Variants in PAXIP1 observed in about 807,000 individuals in gnomAD.
PAXIP1 encodes the protein PAX-interacting protein 1.
Under a neutral mutation model 140.6 loss-of-function variants are expected in PAXIP1, and 19 were observed. The ratio of observed to expected loss-of-function variants is 0.14; its 90% CI spans 0.09 to 0.20. The LOEUF (loss-of-function observed/expected upper bound fraction) is 0.20. Ranked by LOEUF, PAXIP1 falls within the 10% of genes least tolerant of loss-of-function variation. The probability of loss-of-function intolerance (pLI) is 1.00; values close to 1 mark genes in which losing one functional copy is unlikely to be tolerated. For missense variants in PAXIP1, 920 were observed against 1,208.6 expected (o/e 0.76, Z 3.54); for synonymous variants, 442 against 444.6 (o/e 0.99, Z 0.07).
At chr7:154,969,230 C>T in intron 6 of PAXIP1, 104 bp from the exon 7 acceptor site, 1 of 1,216,118 alleles carries the variant, frequency 8.2e-7, no homozygotes, top group East Asian at 2.6e-5. Context: ...TAACAATATT[C>T]AACTAAGTAG....
At chr7:154,961,165 T>TA in intron 11 of PAXIP1, 88 bp from the exon 12 acceptor site, 2 of 1,127,806 alleles carry the variant, frequency 1.8e-6, no homozygotes, top group South Asian at 1.7e-5. Context: ...CAAAAGGCAA[T>TA]AAAAAATTTC....
rs1205834937 is a variant in PAXIP1, at chr7:154,975,932, T to C, written c.838A>G (p.Arg280Gly). The C allele has an allele frequency of 6.2e-7, 1 of 1,613,970 alleles. No individual in the cohort carries two copies. The highest frequency in any genetic ancestry group is 8.5e-7 in the Non-Finnish European group (1 of 1,179,872). ...CCAGGCTCCTTTCCCTGAGGCAGCC[T>C]GCGTTTTGCTGCAGCTAACTGTGGG... is the stretch of plus-strand genomic sequence containing the variant. Reference protein sequence around the residue: ...EVPQLAAAKRRLPQGKEPGLI... With the variant: ...EVPQLAAAKRGLPQGKEPGLI... Residue 280 changes from arginine to glycine, a missense_variant, in exon 6 of 21, where the codon AGG (arginine) becomes GGG (glycine). Physicochemically the swap from Arg to Gly is moderately radical, Grantham distance 125. This residue lies in a region of PAXIP1 where 419 missense variants were observed against 514.7 expected (regional missense o/e 0.81). Transcript: ENST00000404141.
intron 2 of PAXIP1, among the ~76,000 whole-genome samples, chr7:154,995,897 T>C (rs1810578939): frequency 6.6e-6 from 1 of 152,198 alleles, no homozygotes; most frequent in Admixed American, 6.5e-5. Context: ...TTTCCAATGA[T>C]GCCCAAAGGC....
At chr7:154,996,835 T>C (rs1461376505) in intron 2 of PAXIP1, among the ~76,000 whole-genome samples, 1 of 152,194 alleles carries the variant, frequency 6.6e-6, no homozygotes, top group Non-Finnish European at 1.5e-5. Flanking sequence ...AAAGTACTTA[T>C]TACAAAAAGG....
At chr7:154,999,074 C>G (rs1474224160) in intron 1 of PAXIP1, among the ~76,000 whole-genome samples, 1 of 152,202 alleles carries the variant, frequency 6.6e-6, no homozygotes, top group Non-Finnish European at 1.5e-5. Flanking sequence ...CTGGACAAAC[C>G]AGGAGACAGC....
Position 154,986,826 on chromosome 7 carries a change from A to G in PAXIP1, c.325-3494T>C, listed in dbSNP as rs1423955806. ...GCGGGAAGTACAGTAAGTGACCCAC[A>G]AAGATCATGCTATTTCTGGATTCTG... On this transcript the variant is annotated intron_variant, in intron 4 of 20. Coordinates refer to ENST00000404141, the MANE Select transcript of PAXIP1 (RefSeq NM_007349.4). The surrounding 1 kb of genome is among the most constrained non-coding windows in gnomAD (Gnocchi z 4.8). Among the ~76,000 whole-genome samples, 2 of 152,210 alleles carry G rather than the reference A, an allele frequency of 1.3e-5. No individual in the cohort carries two copies. The highest frequency in any genetic ancestry group is 2.4e-5 in the African/African-American group (1 of 41,462).
intron 2 of PAXIP1, among the ~76,000 whole-genome samples, chr7:154,997,920 C>T (rs1212568505): frequency 6.6e-6 from 1 of 152,220 alleles, no homozygotes; most frequent in African/African-American, 2.4e-5. Flanking sequence ...CTAGAGTTAC[C>T]TCCCGACAGG....
chr7:154,951,028 A>T (rs1378924817), intron 16 of PAXIP1: 3 of 152,336 alleles, frequency 2.0e-5, no homozygotes, highest in Non-Finnish European at 2.9e-5. Flanking sequence ...GAACAACTCC[A>T]TATGACGCTG....
At chr7:154,996,223 T>C (rs1810602781) in intron 2 of PAXIP1, among the ~76,000 whole-genome samples, 4 of 152,130 alleles carry the variant, frequency 2.6e-5, no homozygotes, top group Admixed American at 6.5e-5. Flanking sequence ...TATCTTAGAG[T>C]GAAGGCAAAC....
intron 1 of PAXIP1, among the ~76,000 whole-genome samples, chr7:154,999,321 T>C (rs1405782560): frequency 6.6e-6 from 1 of 152,180 alleles, no homozygotes; most frequent in Non-Finnish European, 1.5e-5. Context: ...TCTTACACAC[T>C]ATGCAAAAAA....
intron 5 of PAXIP1, among the ~76,000 whole-genome samples, chr7:154,977,481 C>T (rs1020016123): frequency 6.6e-5 from 10 of 152,204 alleles, no homozygotes; most frequent in African/African-American, 2.2e-4. Flanking sequence ...GTTGGTCATT[C>T]GGTCCTGGCA....
chr7:154,958,576 A>G (rs1808630517), intron 13 of PAXIP1, among the ~76,000 whole-genome samples: 1 of 152,242 alleles, frequency 6.6e-6, no homozygotes, highest in South Asian at 2.1e-4. Context: ...TATAGCCTTT[A>G]TAAGAAAGCA....
At chr7:154,985,012 C>G (rs116487386) in intron 4 of PAXIP1, among the ~76,000 whole-genome samples, 5 of 152,210 alleles carry the variant, frequency 3.3e-5, no homozygotes, top group Admixed American at 1.3e-4. Context: ...TCCAATAACT[C>G]GCTTATGTCA....
chr7:154,982,843 GTT>G (rs1809905585), intron 5 of PAXIP1, among the ~76,000 whole-genome samples: 1 of 151,958 alleles, frequency 6.6e-6, no homozygotes. Flanking sequence ...CACCACACAC[GTT>G]TATAATTATA....
intron 6 of PAXIP1, among the ~76,000 whole-genome samples, chr7:154,972,316 G>A (rs981016602): frequency 4.6e-5 from 7 of 152,082 alleles, no homozygotes; most frequent in African/African-American, 7.2e-5. Context: ...GCAAAAACCC[G>A]TCTCTAATAA....
intron 2 of PAXIP1, among the ~76,000 whole-genome samples, chr7:154,994,518 C>T (rs950512136): frequency 6.6e-6 from 1 of 152,138 alleles, no homozygotes; most frequent in Non-Finnish European, 1.5e-5. Flanking sequence ...TATTGAGAAT[C>T]TATTTTATGC....
chr7:154,961,442 C>A (rs968151892), intron 11 of PAXIP1, 85 bp downstream of exon 11: 55 of 1,108,952 alleles, frequency 5.0e-5, no homozygotes, highest in Non-Finnish European at 6.0e-5. Flanking sequence ...AAAACTATGA[C>A]ATACTAAAAA....
chr7:155,003,244 G>A (rs866593567), upstream of PAXIP1, among the ~76,000 whole-genome samples: 5 of 91,468 alleles, frequency 5.5e-5, no homozygotes, highest in South Asian at 1.0e-3. Context: ...CACGGCTCCG[G>A]GGTAGCTGGC....
intron 16 of PAXIP1, chr7:154,949,608 G>A (rs1310313359): frequency 6.6e-6 from 1 of 152,094 alleles, no homozygotes; most frequent in Non-Finnish European, 1.5e-5. Context: ...GTTTATGATA[G>A]AGAAAACACC....
Sources: allele counts gnomAD v4.1 joint callset (sites outside exome capture counted in the v4.1 genomes callset), GRCh38; gene constraint gnomAD v4.1.1; regional missense constraint gnomAD v4.1.1; non-coding constraint Gnocchi (gnomAD v3.1); transcripts MANE v1.5; gene names NCBI Gene and HGNC (gene_info 2026-07-23, HGNC 2026-07-21).